Variants in EIF4E2 observed in about 807,000 individuals in gnomAD.
EIF4E2 encodes eukaryotic translation initiation factor 4E family member 2, also known as eukaryotic translation initiation factor 4E type 2.
Under a neutral mutation model 34.2 loss-of-function variants are expected in EIF4E2, and 13 were observed. That is an observed-to-expected ratio of 0.38 (90% confidence interval 0.25 to 0.60). The LOEUF is 0.60. Among genes scored for constraint, EIF4E2 ranks in the 20% least tolerant of loss-of-function variants. EIF4E2 has a pLI of 0.62. For missense variants in EIF4E2, 222 were observed against 315.1 expected (o/e 0.70, Z 2.24); for synonymous variants, 100 against 106.6 (o/e 0.94, Z 0.38).
chr2:232,578,935 C>T (rs562222352), intron 6 of EIF4E2, among the ~76,000 whole-genome samples: 1 of 152,212 alleles, frequency 6.6e-6, no homozygotes, highest in East Asian at 1.9e-4. Context: ...GAGCAGAATC[C>T]CTCCTGATAG....
intron 6 of EIF4E2, chr2:232,574,304 G>A (rs529568997): frequency 1.1e-5 from 17 of 1,550,582 alleles, no homozygotes; most frequent in East Asian, 2.4e-5. Context: ...AGCAGCGGCC[G>A]CTGATCGGAC....
downstream of EIF4E2, chr2:232,573,742 AAG>A: frequency 3.5e-5 from 9 of 256,670 alleles, no homozygotes; most frequent in Admixed American, 9.9e-5. Flanking sequence ...CTGAGTGTAG[AAG>A]GGTTAGAAGG....
chr2:232,559,270 A>G (rs969321564), intron 3 of EIF4E2, among the ~76,000 whole-genome samples: 1 of 151,558 alleles, frequency 6.6e-6, no homozygotes, highest in East Asian at 1.9e-4. Context: ...GATATATTAT[A>G]TGGAATTATC....
In EIF4E2 at chr2:232,581,281, C is replaced by T. The variant is rs547561227; in HGVS notation, c.*338C>T. ...TCTTCCCGTGTTGTACGAAGGGTAC[C>T]GTGGCCACGTGTACATGCCAGAGCT... On this transcript the variant is annotated 3_prime_UTR_variant, in exon 7 of 7. Coordinates refer to the EIF4E2 transcript ENST00000409098. This position sits in a 1 kb window ranked among gnomAD's most constrained non-coding sequence, Gnocchi z 5.2. The T allele has an allele frequency of 1.0e-4, 44 of 419,714 alleles. 1 individual carries two copies. Among genetic ancestry groups the T allele is most frequent in the African/African-American group, 6.3e-4 (31 of 49,352 alleles). 26.0% of individuals were successfully genotyped at this position (419,714 alleles called of 1,614,324 possible).
chr2:232,560,420 C>G (rs1468993499), intron 3 of EIF4E2, among the ~76,000 whole-genome samples: 1 of 152,146 alleles, frequency 6.6e-6, no homozygotes, highest in East Asian at 1.9e-4. Flanking sequence ...TTAGTAAATC[C>G]TAATGACCTT....
intron 3 of EIF4E2, among the ~76,000 whole-genome samples, chr2:232,563,710 A>G (rs566569374): frequency 1.3e-5 from 2 of 152,258 alleles, no homozygotes; most frequent in Non-Finnish European, 2.9e-5. Flanking sequence ...AGGTATTTAC[A>G]TGTGGTTGAT....
chr2:232,579,355 A>G (rs1305055265), intron 6 of EIF4E2, among the ~76,000 whole-genome samples: 2 of 152,250 alleles, frequency 1.3e-5, no homozygotes, highest in Non-Finnish European at 2.9e-5. Context: ...AAGATAGTTG[A>G]AGTGCTAAGT....
chr2:232,579,536 A>T (rs1422008714), intron 6 of EIF4E2, among the ~76,000 whole-genome samples: 1 of 152,138 alleles, frequency 6.6e-6, no homozygotes, highest in Non-Finnish European at 1.5e-5. Flanking sequence ...GCTGTTGGTC[A>T]CTGTCAGCTG....
At chr2:232,575,810 G>T (rs1693197874) in intron 6 of EIF4E2, among the ~76,000 whole-genome samples, 1 of 152,158 alleles carries the variant, frequency 6.6e-6, no homozygotes, top group African/African-American at 2.4e-5. Flanking sequence ...TAATGGAGCT[G>T]TTTTTAAAAT....
intron 6 of EIF4E2, 75 bp downstream of exon 6, chr2:232,567,289 A>G: frequency 1.3e-6 from 2 of 1,592,432 alleles, no homozygotes; most frequent in South Asian, 1.1e-5. Flanking sequence ...GCCCAGAGGA[A>G]TATGGCCGGA....
chr2:232,577,448 G>C (rs1693249991), intron 6 of EIF4E2, among the ~76,000 whole-genome samples: 2 of 152,172 alleles, frequency 1.3e-5, no homozygotes, highest in South Asian at 4.1e-4. Flanking sequence ...CCCAAGAGAG[G>C]GGAGGACATT....
Position 232,581,226 on chromosome 2 carries a change from T to C in EIF4E2, c.*283T>C. The stretch of plus-strand genomic sequence containing the variant: ...CAGCCTTTCTGTTTGCTGTGTGCTG[T>C]CCAGATGCCTCTTGGGCGTCCTGTT... On this transcript the variant is annotated 3_prime_UTR_variant, in exon 7 of 7. Transcript: ENST00000409098. The surrounding 1 kb of genome is among the most constrained non-coding windows in gnomAD (Gnocchi z 5.2). The C allele has an allele frequency of 1.9e-6, 1 of 529,050 alleles. No individual in the cohort carries two copies. Among genetic ancestry groups the C allele is most frequent in the South Asian group, 1.8e-5 (1 of 55,874 alleles). The allele number at this position is 529,050 out of a possible 1,614,324, so 32.8% of individuals were successfully genotyped here.
chr2:232,551,630 G>A (rs1692332592), intron 1 of EIF4E2, among the ~76,000 whole-genome samples: 1 of 152,166 alleles, frequency 6.6e-6, no homozygotes, highest in Admixed American at 6.5e-5. Flanking sequence ...TAGTGGCTAG[G>A]ACCCTGCTGC....
chr2:232,555,743 A>G (rs1162144965), intron 1 of EIF4E2, among the ~76,000 whole-genome samples: 1 of 152,192 alleles, frequency 6.6e-6, no homozygotes, highest in African/African-American at 2.4e-5. Context: ...ATAGATTGCT[A>G]GAGGAGGAGG....
At chr2:232,560,977 T>C (rs1692702814) in intron 3 of EIF4E2, among the ~76,000 whole-genome samples, 1 of 152,220 alleles carries the variant, frequency 6.6e-6, no homozygotes, top group Non-Finnish European at 1.5e-5. Context: ...GCACAGATCC[T>C]GTCCTTGGGG....
intron 6 of EIF4E2, 55 bp from the exon 7 acceptor site, chr2:232,568,890 T>G: frequency 6.2e-7 from 1 of 1,611,276 alleles, no homozygotes; most frequent in Non-Finnish European, 8.5e-7. Flanking sequence ...CTACTTTCCC[T>G]TGCGTCCCCC....
At chr2:232,580,770 C>T in intron 6 of EIF4E2, 2 of 762,446 alleles carry the variant, frequency 2.6e-6, no homozygotes, top group Non-Finnish European at 4.1e-6. Flanking sequence ...ATTAGATTGG[C>T]AAGTGAAGAA....
chr2:232,554,627 A>G (rs1465796080), intron 1 of EIF4E2, among the ~76,000 whole-genome samples: 1 of 152,240 alleles, frequency 6.6e-6, no homozygotes, highest in Non-Finnish European at 1.5e-5. Context: ...AGGGAATATC[A>G]TAAGTACAGA....
downstream of EIF4E2, chr2:232,573,708 G>A (rs757622308): frequency 1.0e-5 from 2 of 195,586 alleles, no homozygotes; most frequent in Non-Finnish European, 2.1e-5. Flanking sequence ...TTAAGAAACA[G>A]GTGGAACCTG....
Sources: gnomAD v4.1 joint callset for allele counts (sites outside exome capture counted in the v4.1 genomes callset) on GRCh38, gnomAD v4.1.1 for gene constraint, Gnocchi (gnomAD v3.1) non-coding constraint, MANE v1.5 for transcripts, NCBI Gene and HGNC (gene_info 2026-07-23, HGNC 2026-07-21) for gene names.